Variants in IL23R observed in about 807,000 individuals in gnomAD.
IL23R encodes interleukin-23 receptor.
In IL23R, 34 loss-of-function variants were observed where a neutral mutation model predicts 56.9. That is an observed-to-expected ratio of 0.60 (90% CI 0.45 to 0.80). The LOEUF is 0.80. Among genes scored for constraint, IL23R ranks in the 30% least tolerant of loss-of-function variants. The pLI is 0.00. For synonymous variants in IL23R, 230 were observed against 249.2 expected, an observed-to-expected ratio of 0.92 and a Z score of 0.73; for missense variants, 635 against 730.0, an observed-to-expected ratio of 0.87 and a Z score of 1.50.
intron 1 of IL23R, among the ~76,000 whole-genome samples, chr1:67,150,248 C>CTTTTTTTTT (rs552806817): frequency 3.6e-5 from 4 of 110,262 alleles, no homozygotes; most frequent in East Asian, 2.8e-4. Flanking sequence ...GCATTTCGAA[C>CTTTTTTTTT]TTTTTTTTTT....
chr1:67,206,442 T>G (rs542588218), intron 5 of IL23R, among the ~76,000 whole-genome samples: 1 of 152,054 alleles, frequency 6.6e-6, no homozygotes, highest in South Asian at 2.1e-4. Context: ...TCCTGAGTAG[T>G]TGGAATTTCA....
At chr1:67,248,407 G>A (rs1652386187) in intron 9 of IL23R, among the ~76,000 whole-genome samples, 1 of 152,062 alleles carries the variant, frequency 6.6e-6, no homozygotes, top group Non-Finnish European at 1.5e-5. Context: ...GATTGACTCA[G>A]CTATTGATAC....
intron 4 of IL23R, among the ~76,000 whole-genome samples, chr1:67,189,866 A>G (rs897232217): frequency 1.3e-5 from 2 of 152,158 alleles, no homozygotes; most frequent in Non-Finnish European, 2.9e-5. Flanking sequence ...AGATGGCTTG[A>G]ACCCAGGAGG....
At chr1:67,265,246 A>T in the IL23R span, among the ~76,000 whole-genome samples, 1 of 152,246 alleles carries the variant, frequency 6.6e-6, no homozygotes, top group Non-Finnish European at 1.5e-5. Context: ...TTTATTTCTG[A>T]ACTACACAGT....
At chr1:67,161,266 T>C (rs1450898884) in intron 1 of IL23R, among the ~76,000 whole-genome samples, 2 of 152,204 alleles carry the variant, frequency 1.3e-5, no homozygotes, top group Non-Finnish European at 2.9e-5. Context: ...TCTCATATTC[T>C]AGAATTGACT....
intron 9 of IL23R, among the ~76,000 whole-genome samples, chr1:67,255,595 C>T (rs929778802): frequency 2.6e-5 from 4 of 151,868 alleles, no homozygotes; most frequent in African/African-American, 7.2e-5. Flanking sequence ...TGCACCACCA[C>T]ACCCAGCTAA....
chr1:67,207,882 A>C (rs915965292), intron 6 of IL23R, among the ~76,000 whole-genome samples: 1 of 152,236 alleles, frequency 6.6e-6, no homozygotes, highest in African/African-American at 2.4e-5. Context: ...TGAAGGGCTC[A>C]GAAGAAGACA....
intron 3 of IL23R, among the ~76,000 whole-genome samples, chr1:67,170,336 T>A (rs932079826): frequency 2.6e-5 from 4 of 152,006 alleles, no homozygotes; most frequent in African/African-American, 7.3e-5. Flanking sequence ...ATAGGGAGAG[T>A]CTCCTACAGT....
chr1:67,204,165 G>A (rs1404696255), intron 5 of IL23R, among the ~76,000 whole-genome samples: 4 of 152,080 alleles, frequency 2.6e-5, no homozygotes, highest in South Asian at 4.2e-4. Context: ...CCGGGTTCAC[G>A]CCATTCTCCT....
rs72927067 is a variant in IL23R at position 67,196,572 on chromosome 1, A to G, written c.492-4165A>G. Among the ~76,000 whole-genome samples the G allele has an allele frequency of 6.5e-3, 985 of 152,222 alleles. 15 individuals carry two copies. The highest frequency in any genetic ancestry group is 0.022 in the African/African-American group (934 of 41,532). On this transcript the variant is annotated intron_variant, in intron 4 of 10. Coordinates refer to ENST00000347310, the MANE Select transcript of IL23R (RefSeq NM_144701.3). ...ATAGAAGAAAATAAGAATGTAGGCT[A>G]CTTGGCTTTCCAGCATTGTTCAGAT...
chr1:67,179,889 T>C (rs12491741), intron 3 of IL23R, among the ~76,000 whole-genome samples: 7 of 152,216 alleles, frequency 4.6e-5, no homozygotes, highest in Admixed American at 2.6e-4. Context: ...TAGTAGTCAT[T>C]CAGGAGCAGG....
intron 7 of IL23R, among the ~76,000 whole-genome samples, chr1:67,231,577 T>C (rs532793830): frequency 1.3e-5 from 2 of 152,266 alleles, no homozygotes; most frequent in Admixed American, 1.3e-4. Flanking sequence ...TTCGTTTGAG[T>C]CTGCAGTTGG....
chr1:67,245,275 C>G (rs986425183), intron 9 of IL23R, among the ~76,000 whole-genome samples: 1 of 152,156 alleles, frequency 6.6e-6, no homozygotes, highest in Non-Finnish European at 1.5e-5. Context: ...TTGACATCCT[C>G]TTTTCCTAAT....
chr1:67,199,265 T>C (rs1234496866), intron 4 of IL23R, among the ~76,000 whole-genome samples: 3 of 152,198 alleles, frequency 2.0e-5, no homozygotes, highest in African/African-American at 7.2e-5. Flanking sequence ...TTCTCAGAAA[T>C]GTCATGTTAT....
chr1:67,223,567 G>C (rs1650435206), intron 7 of IL23R, among the ~76,000 whole-genome samples: 3 of 152,018 alleles, frequency 2.0e-5, no homozygotes, highest in Admixed American at 2.0e-4. Context: ...CTTTTTTTCT[G>C]TGTGTAAAAG....
rs1043839212 is a variant in IL23R at position 67,171,630 on chromosome 1, G to A, written c.367+1992G>A. The stretch of plus-strand genomic sequence containing the variant: ...CTCAGGTTGACTGGGCTCTTTCTAC[G>A]TGGTTGCTGTGAATTTTCTGTTTTC... On this transcript the variant is annotated intron_variant, in intron 3 of 10. Coordinates refer to ENST00000347310, the MANE Select transcript of IL23R (RefSeq NM_144701.3). 2.6e-5 allele frequency among the ~76,000 whole-genome samples: 4 copies of A among 152,136 alleles called. No individual in the cohort carries two copies. The East Asian group carries it at 7.7e-4, about 29-fold the overall frequency.
chr1:67,173,854 T>G (rs1184904808), intron 3 of IL23R, among the ~76,000 whole-genome samples: 1 of 152,122 alleles, frequency 6.6e-6, no homozygotes, highest in Non-Finnish European at 1.5e-5. Flanking sequence ...GTCTTTGAAA[T>G]TTCAGACCCT....
intron 6 of IL23R, among the ~76,000 whole-genome samples, chr1:67,210,098 C>T (rs1649352261): frequency 6.6e-6 from 1 of 152,056 alleles, no homozygotes; most frequent in Non-Finnish European, 1.5e-5. Flanking sequence ...CCAGTATAGG[C>T]CTGAGTCTTA....
chr1:67,183,660 C>G (rs923262111), intron 4 of IL23R, among the ~76,000 whole-genome samples: 1 of 152,106 alleles, frequency 6.6e-6, no homozygotes, highest in Non-Finnish European at 1.5e-5. Context: ...AAAAATAAAA[C>G]ATAACACACA....
Sources: allele counts gnomAD v4.1 joint callset (sites outside exome capture counted in the v4.1 genomes callset), GRCh38; gene constraint gnomAD v4.1.1; transcripts MANE v1.5; gene names NCBI Gene and HGNC (gene_info 2026-07-23, HGNC 2026-07-21).